MACROD2: variants seen among roughly 807,000 people sequenced by gnomAD.
MACROD2 encodes mono-ADP ribosylhydrolase 2, also known as ADP-ribose glycohydrolase MACROD2.
Under a neutral mutation model 70.4 loss-of-function variants are expected in MACROD2, and 36 were observed. The observed-to-expected ratio is 0.51, with a 90% confidence interval of 0.39 to 0.68. The LOEUF (loss-of-function observed/expected upper bound fraction) is 0.68, where lower values mean the gene tolerates loss of function less well. MACROD2 is among the 30% of genes least tolerant of loss of function. MACROD2 has a pLI of 0.00. For synonymous variants in MACROD2, 172 were observed against 178.8 expected (o/e 0.96, Z 0.30); for missense variants, 496 against 538.4 (o/e 0.92, Z 0.78).
intron 5 of MACROD2, among the ~76,000 whole-genome samples, chr20:15,094,753 C>T (rs899292049): frequency 6.6e-6 from 1 of 151,882 alleles, no homozygotes; most frequent in Non-Finnish European, 1.5e-5. Flanking sequence ...TTTCTTAAAA[C>T]TAAAACAAAA....
rs143019192 is a variant in MACROD2 at position 14,010,394 on chromosome 20, A to G, written c.163+7990A>G. Among the ~76,000 whole-genome samples, 504 of 152,242 alleles carry G rather than the reference A, an allele frequency of 3.3e-3. 5 individuals carry two copies. Among genetic ancestry groups the G allele is most frequent in the South Asian group, 0.015 (72 of 4,826 alleles). ...GCTGTCTCAGGGGTGGCAAAGGCAG[A>G]AAAGGTAGAGGGAAGGTAGAGGGGG... On this transcript the variant is annotated intron_variant, in intron 2 of 17. Transcript: ENST00000684519.
At chr20:14,288,123 A>C (rs988401780) in intron 3 of MACROD2, among the ~76,000 whole-genome samples, 8 of 151,766 alleles carry the variant, frequency 5.3e-5, no homozygotes, top group African/African-American at 9.7e-5. Flanking sequence ...TACACCCTAC[A>C]AGGTAGGGTG....
chr20:14,908,345 AAAAT>A (rs1568867804), intron 5 of MACROD2, among the ~76,000 whole-genome samples: 3 of 149,844 alleles, frequency 2.0e-5, no homozygotes, highest in South Asian at 2.1e-4. Context: ...TATCTCAAAA[AAAAT>A]AAATAAATAA....
chr20:15,374,081 A>G (rs1404197972), intron 6 of MACROD2, among the ~76,000 whole-genome samples: 1 of 151,908 alleles, frequency 6.6e-6, no homozygotes, highest in African/African-American at 2.4e-5. Flanking sequence ...CTCATTCTCT[A>G]TTCTCATTAT....
chr20:14,302,441 T>G (rs1005704569), intron 3 of MACROD2, among the ~76,000 whole-genome samples: 1 of 152,210 alleles, frequency 6.6e-6, no homozygotes, highest in Non-Finnish European at 1.5e-5. Flanking sequence ...TTGGAAGTCA[T>G]TCTTAGAATT....
At position 15,088,395 on chromosome 20, in the gene MACROD2, T is replaced by TA. The variant is rs1491202515; in HGVS notation, c.419-141545_419-141544insA. 2.3e-4 allele frequency among the ~76,000 whole-genome samples: 24 copies of TA among 103,272 alleles called. 1 individual carries two copies. The East Asian group carries it at 0.011, about 46-fold the overall frequency. 67.8% of individuals were successfully genotyped at this position (103,272 alleles called of 152,430 possible). ...TAACCATTAAAACATATATACTATA[T>TA]TTTATATATATATATATATATATAT... On this transcript the variant is annotated intron_variant, in intron 5 of 17. Coordinates refer to ENST00000684519, the MANE Select transcript of MACROD2 (RefSeq NM_001351661.2).
intron 8 of MACROD2, among the ~76,000 whole-genome samples, chr20:15,546,293 T>C (rs192049788): frequency 9.8e-5 from 15 of 152,328 alleles, no homozygotes; most frequent in African/African-American, 2.6e-4. Context: ...CTAACACTTC[T>C]TGAACGTCTG....
At chr20:14,635,697 C>T (rs1984750818) in intron 4 of MACROD2, among the ~76,000 whole-genome samples, 2 of 152,168 alleles carry the variant, frequency 1.3e-5, no homozygotes, top group African/African-American at 4.8e-5. Flanking sequence ...ATACTGTATT[C>T]ATGTATGTAA....
intron 8 of MACROD2, among the ~76,000 whole-genome samples, chr20:15,734,009 G>T (rs1466749595): frequency 6.6e-6 from 1 of 152,182 alleles, no homozygotes; most frequent in Middle Eastern, 3.2e-3. Flanking sequence ...TGTTAAAGTA[G>T]AGATGTATAC....
At position 14,798,189 on chromosome 20, in the gene MACROD2, C is replaced by G. The variant is rs764880367; in HGVS notation, c.418+113230C>G. ...TAGCTAGCATTAGTAGCTTGCAAAACCCACTCATAAACCTGATTTCATTTA... is the reference window on the plus strand; with the variant it reads ...TAGCTAGCATTAGTAGCTTGCAAAAGCCACTCATAAACCTGATTTCATTTA... On this transcript the variant is annotated intron_variant, in intron 5 of 17. Transcript: ENST00000684519. Among the ~76,000 whole-genome samples, 165 of 152,108 alleles carry G rather than the reference C, an allele frequency of 1.1e-3. 1 individual carries two copies. Among genetic ancestry groups the G allele is most frequent in the Non-Finnish European group, 1.3e-4 (9 of 67,988 alleles).
chr20:14,020,791 T>G (rs540063573), intron 2 of MACROD2, among the ~76,000 whole-genome samples: 1 of 152,310 alleles, frequency 6.6e-6, no homozygotes, highest in Admixed American at 6.5e-5. Flanking sequence ...TGTGTTCAGC[T>G]TAAGTTACAG....
Position 15,987,134 on chromosome 20 carries a change from C to A in MACROD2, c.1129C>A (p.Gln377Lys), listed in dbSNP as rs1470956662. 1.9e-6 allele frequency: 3 copies of A among 1,610,078 alleles called. No homozygotes were observed. In the Admixed American group the frequency reaches 5.1e-5, roughly 27 times the overall value. ...QPEVIPLTED[Q>K]EEKEGEKAPG... ...AGAAGTGATTCCATTAACAGAGGAC[C>A]AAGAAGAAAAAGAAGGTGAAAAAGG... is the stretch of plus-strand genomic sequence containing the variant. Residue 377 changes from glutamine (Q) to lysine (K), a missense_variant, in exon 15 of 18, where the codon CAA becomes AAA. Gln to Lys is a moderately conservative substitution (Grantham distance 53, BLOSUM62 1). Transcript: ENST00000684519.
chr20:15,277,595 A>G (rs76047839), intron 6 of MACROD2, among the ~76,000 whole-genome samples: 3,239 of 152,312 alleles, frequency 0.021, 106 homozygotes, highest in African/African-American at 0.072. Context: ...GAGATCCTGC[A>G]TTTCTAACAA....
At chr20:15,078,219 G>T (rs1231747658) in intron 5 of MACROD2, among the ~76,000 whole-genome samples, 1 of 152,030 alleles carries the variant, frequency 6.6e-6, no homozygotes, top group Non-Finnish European at 1.5e-5. Flanking sequence ...GTTAAAAGCG[G>T]CCAAAGAGCC....
At chr20:14,690,010 A>G (rs1392409748) in intron 5 of MACROD2, among the ~76,000 whole-genome samples, 28 of 98,676 alleles carry the variant, frequency 2.8e-4, no homozygotes, top group Non-Finnish European at 2.5e-5. Flanking sequence ...TAAAAAACAT[A>G]TTTTAACATA....
intron 5 of MACROD2, among the ~76,000 whole-genome samples, chr20:14,696,877 A>G (rs186555221): frequency 2.6e-5 from 4 of 152,198 alleles, no homozygotes; most frequent in East Asian, 1.9e-4. Context: ...GTCCTTCCGT[A>G]CTGGGCTGGT....
intron 8 of MACROD2, among the ~76,000 whole-genome samples, chr20:15,562,172 C>T (rs1229538021): frequency 6.6e-6 from 1 of 152,016 alleles, no homozygotes; most frequent in Non-Finnish European, 1.5e-5. Flanking sequence ...GCCTACTGCC[C>T]CACCCCCATC....
At chr20:14,414,057 A>T (rs979316829) in intron 3 of MACROD2, among the ~76,000 whole-genome samples, 3 of 152,184 alleles carry the variant, frequency 2.0e-5, no homozygotes, top group African/African-American at 7.2e-5. Flanking sequence ...AAGGGATGTC[A>T]TCTGGTGTCC....
intron 5 of MACROD2, among the ~76,000 whole-genome samples, chr20:15,145,795 T>A (rs458376): frequency 4.6e-5 from 7 of 151,744 alleles, no homozygotes; most frequent in African/African-American, 1.7e-4. Flanking sequence ...TTTAAAAATT[T>A]TACCTAAAAG....
Sources: allele counts gnomAD v4.1 joint callset (sites outside exome capture counted in the v4.1 genomes callset), GRCh38; gene constraint gnomAD v4.1.1; transcripts MANE v1.5; gene names NCBI Gene and HGNC (gene_info 2026-07-23, HGNC 2026-07-21).